The following ITGB3 variants were observed in gnomAD, a reference collection of about 807,000 sequenced individuals.
ITGB3 encodes the protein integrin beta-3.
In ITGB3, 48 loss-of-function variants were observed where a neutral mutation model predicts 85.8. That is an observed-to-expected ratio of 0.56 (90% CI 0.44 to 0.71). The LOEUF is 0.71. Ranked by LOEUF, ITGB3 falls within the 30% of genes least tolerant of loss-of-function variation. The pLI is 0.00. For missense variants in ITGB3, 861 were observed against 1,019.1 expected, an observed-to-expected ratio of 0.84 and a Z score of 2.11; for synonymous variants, 363 against 395.6, an observed-to-expected ratio of 0.92 and a Z score of 0.98.
chr17:47,305,847 G>A (rs911647169), intron 13 of ITGB3, among the ~76,000 whole-genome samples: 1 of 152,146 alleles, frequency 6.6e-6, no homozygotes, highest in Non-Finnish European at 1.5e-5. Context: ...AAGAAGATCC[G>A]TTACAACGGT....
At chr17:47,268,790 T>G (rs1168821109) in intron 1 of ITGB3, among the ~76,000 whole-genome samples, 1 of 152,204 alleles carries the variant, frequency 6.6e-6, no homozygotes, top group Non-Finnish European at 1.5e-5. Context: ...GGCCCTCTGC[T>G]CACAGCTCCA....
Position 47,283,684 on chromosome 17 carries a change from G to T in ITGB3, c.361+135G>T, listed in dbSNP as rs1056833172. ...TGGGAAGACAAGGATGAGGGGGGAGGTGTGGGCAAGAGAATGGAAGAAAAT... is the reference window on the plus strand; with the variant it reads ...TGGGAAGACAAGGATGAGGGGGGAGTTGTGGGCAAGAGAATGGAAGAAAAT... On this transcript the variant is annotated intron_variant, in intron 3 of 14. Coordinates refer to ENST00000559488, the MANE Select transcript of ITGB3 (RefSeq NM_000212.3). The T allele has an allele frequency of 7.3e-6, 6 of 820,544 alleles. No homozygotes were observed. In the African/African-American group the frequency reaches 8.4e-5, roughly 12 times the overall value. 50.8% of individuals were successfully genotyped at this position (820,544 alleles called of 1,614,324 possible). A position where few individuals can be genotyped will look rare whatever the true frequency, so the allele number is the denominator to read the frequency against.
At chr17:47,295,537 C>T (rs1472048014) in intron 10 of ITGB3, among the ~76,000 whole-genome samples, 4 of 152,172 alleles carry the variant, frequency 2.6e-5, no homozygotes, top group Non-Finnish European at 5.9e-5. Flanking sequence ...TAAGGGCTAA[C>T]CCTACCAAGG....
intron 2 of ITGB3, among the ~76,000 whole-genome samples, chr17:47,279,301 C>T (rs145242978): frequency 1.7e-3 from 254 of 152,202 alleles, no homozygotes; most frequent in Middle Eastern, 6.8e-3. Flanking sequence ...ACTTTAATAT[C>T]CACCCCTCCC....
intron 5 of ITGB3, 23 bp downstream of exon 5, chr17:47,286,445 G>C (rs371888226): frequency 2.2e-5 from 35 of 1,613,718 alleles, no homozygotes; most frequent in Non-Finnish European, 2.7e-5. Flanking sequence ...GACTTGGAGT[G>C]CCAGGTGTGG....
intron 10 of ITGB3, among the ~76,000 whole-genome samples, chr17:47,292,964 G>T (rs1484653572): frequency 1.3e-5 from 2 of 152,190 alleles, no homozygotes; most frequent in African/African-American, 2.4e-5. Context: ...GTTAATCACT[G>T]TTACTACTAT....
intron 1 of ITGB3, among the ~76,000 whole-genome samples, chr17:47,273,216 C>T (rs1383858124): frequency 1.3e-5 from 2 of 152,200 alleles, no homozygotes; most frequent in Admixed American, 6.5e-5. Flanking sequence ...TTTGGGGACA[C>T]TGGGAAAACA....
At chr17:47,300,340 C>CGTGTGTGTGTGT (rs781123948) in intron 11 of ITGB3, 138 bp from the exon 12 acceptor site, 444 of 508,044 alleles carry the variant, frequency 8.7e-4, no homozygotes, top group Middle Eastern at 3.7e-3. Context: ...TACAGGCGCG[C>CGTGTGTGTGTGT]GCGCGCGTGT....
intron 7 of ITGB3, 131 bp from the exon 8 acceptor site, chr17:47,290,054 C>G: frequency 1.2e-6 from 1 of 808,024 alleles, no homozygotes; most frequent in East Asian, 2.4e-5. Context: ...ATATTCCTGG[C>G]AGTGACAATT....
Position 47,289,498 on chromosome 17 carries a change from A to T in ITGB3, c.940-183A>T, listed in dbSNP as rs184675196. Among the ~76,000 whole-genome samples, 217 of 152,082 alleles carry T rather than the reference A, an allele frequency of 1.4e-3. 1 individual carries two copies. In the Middle Eastern group the frequency reaches 0.017, roughly 12 times the overall value. ...CCACCACATCTGGCAAATAAAAAAA[A>T]TTTTTTTGTAGAGATGGGGTCTTGC... On this transcript the variant is annotated intron_variant, in intron 6 of 14. Coordinates refer to ENST00000559488, the MANE Select transcript of ITGB3 (RefSeq NM_000212.3).
chr17:47,312,519 G>A lies in ITGB3; in HGVS notation c.*2315G>A, dbSNP rs1240066243. 2.0e-5 allele frequency among the ~76,000 whole-genome samples: 3 copies of A among 152,194 alleles called. No individual in the cohort carries two copies. The East Asian group carries it at 5.8e-4, about 29-fold the overall frequency. ...TTCAGCTACTAAGACAGGTGTGGTG[G>A]CTCACGCCTGTGATTATAATCTTCA... On this transcript the variant is annotated 3_prime_UTR_variant, in exon 15 of 15. Coordinates refer to ENST00000559488, the MANE Select transcript of ITGB3 (RefSeq NM_000212.3).
chr17:47,288,242 A>AGAG (rs1567765432), intron 6 of ITGB3, among the ~76,000 whole-genome samples: 9 of 64,892 alleles, frequency 1.4e-4, no homozygotes, highest in African/African-American at 3.6e-4. Flanking sequence ...GAGAGAGAGA[A>AGAG]AGAGGGGAAA....
rs1010271908 is a variant in ITGB3, at chr17:47,312,386, A to G, written c.*2182A>G. On this transcript the variant is annotated 3_prime_UTR_variant, in exon 15 of 15. Coordinates refer to ENST00000559488, the MANE Select transcript of ITGB3 (RefSeq NM_000212.3). The stretch of plus-strand genomic sequence containing the variant: ...ACTCCTTACTGTAGGGAATGGCAGT[A>G]TGGTAGAGGGATAAATAGGGGGCGG... Among the ~76,000 whole-genome samples the G allele has an allele frequency of 6.6e-6, 1 of 152,160 alleles. No individual in the cohort carries two copies. The highest frequency in any genetic ancestry group is 2.4e-5 in the African/African-American group (1 of 41,444).
intron 1 of ITGB3, among the ~76,000 whole-genome samples, chr17:47,265,972 C>T (rs1361402218): frequency 6.6e-6 from 1 of 152,206 alleles, no homozygotes; most frequent in Non-Finnish European, 1.5e-5. Flanking sequence ...CTTCTCCTTC[C>T]TTGGGTTACT....
Position 47,307,636 on chromosome 17 carries a change from C to T in ITGB3, c.2300C>T (p.Thr767Ile). ...EEERARAKWD[T>I]ANNPLYKEAT... is the part of the protein sequence containing the mutation. ...GAACGCGCCAGAGCAAAATGGGACA[C>T]AGTAAGAGACGGGGCTGGGCGTTTT... Residue 767 changes from threonine (T) to isoleucine (I), a missense_variant and splice_region_variant, in exon 14 of 15, where the codon ACA becomes ATA. By Grantham distance (89) the Thr-to-Ile change is moderately conservative. Transcript: ENST00000559488. 1 of 1,614,120 alleles carries T rather than the reference C, an allele frequency of 6.2e-7. No individual in the cohort carries two copies. The highest frequency in any genetic ancestry group is 8.5e-7 in the Non-Finnish European group (1 of 1,180,010).
At chr17:47,304,078 A>T (rs950948596) in intron 13 of ITGB3, among the ~76,000 whole-genome samples, 6 of 152,016 alleles carry the variant, frequency 3.9e-5, no homozygotes, top group Non-Finnish European at 7.4e-5. Context: ...TTTTGTAGAG[A>T]TGAAGTCTCA....
chr17:47,307,768 G>C (rs1052889899), intron 14 of ITGB3, 131 bp downstream of exon 14: 33 of 881,416 alleles, frequency 3.7e-5, no homozygotes, highest in Non-Finnish European at 5.9e-5. Context: ...TGGAAACTGG[G>C]AGAGATGGTC....
intron 8 of ITGB3, 71 bp from the exon 9 acceptor site, chr17:47,290,883 G>A: frequency 1.3e-6 from 2 of 1,586,138 alleles, no homozygotes; most frequent in Non-Finnish European, 1.7e-6. Context: ...GCTTGGGATG[G>A]AACTGGCTCT....
At position 47,291,078 on chromosome 17, in the gene ITGB3, T is replaced by G. The variant is rs186336620; in HGVS notation, c.1250T>G (p.Ile417Ser). 2 of 1,613,992 alleles carry G rather than the reference T, an allele frequency of 1.2e-6. No individual in the cohort carries two copies. Among genetic ancestry groups the G allele is most frequent in the African/African-American group, 2.7e-5 (2 of 74,894 alleles). ...PGLKSCMGLK[I>S]GDTVSFSIEA... The stretch of plus-strand genomic sequence containing the variant: ...CTCAAGTCTTGTATGGGACTCAAGA[T>G]TGGAGACACGGTGAGGTGGGCTGGG... Residue 417 changes from isoleucine (I) to serine (S), a missense_variant, in exon 9 of 15, where the codon ATT (isoleucine) becomes AGT (serine). Transcript: ENST00000559488.
Sources: gnomAD v4.1 joint callset for allele counts (sites outside exome capture counted in the v4.1 genomes callset) on GRCh38, gnomAD v4.1.1 for gene constraint, MANE v1.5 for transcripts, NCBI Gene and HGNC (gene_info 2026-07-23, HGNC 2026-07-21) for gene names.